Variants in UBE2U observed in about 807,000 individuals in gnomAD.
UBE2U encodes ubiquitin-conjugating enzyme E2 U.
UBE2U carries 39 observed loss-of-function variants against 41.2 expected under a neutral mutation model. That is an observed-to-expected ratio of 0.95 (90% CI 0.73 to 1.24). UBE2U has a LOEUF of 1.24. Among genes scored for constraint, UBE2U ranks in the 50% most tolerant of loss-of-function variants. UBE2U has a pLI of 0.00. For missense variants in UBE2U, 336 were observed against 363.1 expected, an observed-to-expected ratio of 0.93 and a Z score of 0.61; for synonymous variants, 107 against 117.8, an observed-to-expected ratio of 0.91 and a Z score of 0.60.
At chr1:64,247,945 C>T (rs924324044) in intron 8 of UBE2U, among the ~76,000 whole-genome samples, 27 of 151,866 alleles carry the variant, frequency 1.8e-4, no homozygotes, top group Non-Finnish European at 1.2e-4. Flanking sequence ...CTGCACACAC[C>T]GGCTCCCCTT....
chr1:64,255,908 G>A (rs1202777711), intron 8 of UBE2U, among the ~76,000 whole-genome samples: 2 of 152,102 alleles, frequency 1.3e-5, no homozygotes, highest in Non-Finnish European at 2.9e-5. Context: ...AAGCTGATAA[G>A]CAACTTCAGC....
chr1:64,245,086 C>A (rs1356165854), intron 8 of UBE2U, among the ~76,000 whole-genome samples: 1 of 152,144 alleles, frequency 6.6e-6, no homozygotes, highest in Non-Finnish European at 1.5e-5. Context: ...TGCAAAATCT[C>A]TAATTTGGCA....
intron 6 of UBE2U, among the ~76,000 whole-genome samples, chr1:64,230,517 G>T (rs1412386876): frequency 6.6e-6 from 1 of 151,984 alleles, no homozygotes; most frequent in Non-Finnish European, 1.5e-5. Context: ...CATCCTCTGT[G>T]TGTACATATG....
chr1:64,261,343 T>C (rs1361782557), intron 9 of UBE2U, among the ~76,000 whole-genome samples: 1 of 152,182 alleles, frequency 6.6e-6, no homozygotes, highest in African/African-American at 2.4e-5. Context: ...CAAATCCTAG[T>C]TGCTAAAAAT....
intron 2 of UBE2U, among the ~76,000 whole-genome samples, 165 bp from the exon 3 acceptor site, chr1:64,206,599 T>A (rs1173313530): frequency 6.6e-6 from 1 of 151,984 alleles, no homozygotes; most frequent in East Asian, 1.9e-4. Flanking sequence ...GATTGTGAAG[T>A]GTCTGTTATA....
chr1:64,238,225 C>T (rs1022043813), intron 7 of UBE2U, among the ~76,000 whole-genome samples: 9 of 151,730 alleles, frequency 5.9e-5, no homozygotes, highest in Non-Finnish European at 1.2e-4. Context: ...GCCAACATGG[C>T]GAAACCCCAT....
chr1:64,212,192 G>C (rs896317185), intron 4 of UBE2U, among the ~76,000 whole-genome samples: 2 of 152,194 alleles, frequency 1.3e-5, no homozygotes, highest in African/African-American at 2.4e-5. Flanking sequence ...GAGTGAGTGT[G>C]ATATGCAGAA....
At chr1:64,264,617 G>A (rs1017236530) in intron 9 of UBE2U, among the ~76,000 whole-genome samples, 19 of 152,150 alleles carry the variant, frequency 1.2e-4, no homozygotes, top group Non-Finnish European at 4.4e-5. Flanking sequence ...AGCAACTCAC[G>A]TCAGCCAATC....
intron 7 of UBE2U, among the ~76,000 whole-genome samples, chr1:64,232,895 A>G (rs1029679133): frequency 6.6e-6 from 1 of 152,196 alleles, no homozygotes; most frequent in Non-Finnish European, 1.5e-5. Flanking sequence ...CAGTGGCACA[A>G]TAATAGCTAA....
chr1:64,214,417 T>C (rs1320336286), intron 4 of UBE2U, among the ~76,000 whole-genome samples: 7 of 152,228 alleles, frequency 4.6e-5, no homozygotes, highest in East Asian at 1.9e-4. Flanking sequence ...ACAAATTAGA[T>C]ACATTTTCAA....
At chr1:64,218,177 T>C (rs183176660) in intron 5 of UBE2U, among the ~76,000 whole-genome samples, 9 of 152,292 alleles carry the variant, frequency 5.9e-5, no homozygotes, top group Admixed American at 5.2e-4. Flanking sequence ...GAACATGAGC[T>C]TTTTTAGCAC....
intron 1 of UBE2U, among the ~76,000 whole-genome samples, chr1:64,204,646 C>G (rs926310619): frequency 6.6e-6 from 1 of 152,174 alleles, no homozygotes; most frequent in Non-Finnish European, 1.5e-5. Context: ...GAAGCAATGT[C>G]CTTGGGCTTA....
intron 8 of UBE2U, among the ~76,000 whole-genome samples, chr1:64,249,377 CAAA>C (rs71584441): frequency 3.0e-5 from 2 of 67,348 alleles, no homozygotes; most frequent in Admixed American, 1.8e-4. Context: ...GACTCTGTCT[CAAA>C]AAAAAAAAAA....
intron 8 of UBE2U, among the ~76,000 whole-genome samples, chr1:64,246,110 AT>A (rs1477832095): frequency 6.6e-6 from 1 of 150,404 alleles, no homozygotes; most frequent in Non-Finnish European, 1.5e-5. Flanking sequence ...ATTAAATTCT[AT>A]TATTAAACAA....
intron 4 of UBE2U, among the ~76,000 whole-genome samples, chr1:64,213,387 A>G (rs1185700899): frequency 3.9e-5 from 6 of 152,146 alleles, no homozygotes; most frequent in African/African-American, 1.4e-4. Flanking sequence ...TTGTTGTAAG[A>G]GTTGGAACAA....
intron 7 of UBE2U, among the ~76,000 whole-genome samples, chr1:64,233,854 G>A (rs1369613159): frequency 1.3e-5 from 2 of 152,206 alleles, no homozygotes; most frequent in African/African-American, 2.4e-5. Flanking sequence ...GCATTCTGCA[G>A]TAGCAGAGAC....
At chr1:64,247,658 ATT>A (rs1054285935) in intron 8 of UBE2U, among the ~76,000 whole-genome samples, 9 of 152,118 alleles carry the variant, frequency 5.9e-5, no homozygotes, top group Non-Finnish European at 8.8e-5. Flanking sequence ...TGAAGCCAGT[ATT>A]TGAGACCAGC....
intron 8 of UBE2U, among the ~76,000 whole-genome samples, chr1:64,244,878 C>T (rs1235724563): frequency 1.3e-5 from 2 of 152,148 alleles, no homozygotes; most frequent in South Asian, 2.1e-4. Context: ...AGTTGAAAAA[C>T]GCATCCTCAC....
At position 64,239,155 on chromosome 1, in the gene UBE2U, AGAAAGAAGAAG is replaced by A. The variant is rs1280039492; in HGVS notation, c.596-2496_596-2486del. On this transcript the variant is annotated intron_variant, in intron 7 of 9. Transcript: ENST00000371077. The stretch of plus-strand genomic sequence containing the variant: ...AAGAAGAAGAAGAAGAAGAAGAAGA[AGAAAGAAGAAG>A]AAGAAGAAGAAGAAGAAGAAGAAGA... Among the ~76,000 whole-genome samples, 4 of 24,188 alleles carry A rather than the reference AGAAAGAAGAAG, an allele frequency of 1.7e-4. No homozygotes were observed. The East Asian group carries it at 9.5e-3, about 57-fold the overall frequency. The allele number at this position is 24,188 out of a possible 152,430, so 15.9% of individuals were successfully genotyped here. A position where few individuals can be genotyped will look rare whatever the true frequency, so the allele number is the denominator to read the frequency against.
Sources: allele counts gnomAD v4.1 joint callset (sites outside exome capture counted in the v4.1 genomes callset), GRCh38; gene constraint gnomAD v4.1.1; transcripts MANE v1.5; gene names NCBI Gene and HGNC (gene_info 2026-07-23, HGNC 2026-07-21).